RTN4IP1: variants seen among roughly 807,000 people sequenced by gnomAD.
RTN4IP1 encodes the protein reticulon 4 interacting protein 1.
In RTN4IP1, 32 loss-of-function variants were observed where a neutral mutation model predicts 46.6. That is an observed-to-expected ratio of 0.69 (90% CI 0.52 to 0.92). The LOEUF (loss-of-function observed/expected upper bound fraction) is 0.92, where lower values mean the gene tolerates loss of function less well. Among genes scored for constraint, RTN4IP1 ranks in the 40% least tolerant of loss-of-function variants. The pLI, the probability that RTN4IP1 is intolerant of heterozygous loss-of-function variation, is 0.00. For missense variants in RTN4IP1, 424 were observed against 485.8 expected, an observed-to-expected ratio of 0.87 and a Z score of 1.20; for synonymous variants, 167 against 161.8, an observed-to-expected ratio of 1.03 and a Z score of -0.24.
chr6:106,598,273 T>C (rs1011060663), intron 5 of RTN4IP1, among the ~76,000 whole-genome samples: 2 of 152,216 alleles, frequency 1.3e-5, no homozygotes, highest in African/African-American at 4.8e-5. Context: ...ATCGCCACAC[T>C]GACTTCCACG....
chr6:106,589,135 A>AGAAGAG (rs1428278259), intron 6 of RTN4IP1, among the ~76,000 whole-genome samples: 36 of 111,498 alleles, frequency 3.2e-4, no homozygotes, highest in Middle Eastern at 3.8e-3. Context: ...AGGAAGAAGA[A>AGAAGAG]GAAGAGGAAG....
At chr6:106,619,136 T>A (rs1188188692) in intron 4 of RTN4IP1, 66 bp downstream of exon 4, 59 of 1,564,384 alleles carry the variant, frequency 3.8e-5, no homozygotes, top group Non-Finnish European at 8.7e-7. Context: ...CTGACAAATC[T>A]ACTGCAAGGA....
chr6:106,589,098 G>A lies in RTN4IP1; in HGVS notation c.807-1236C>T, dbSNP rs183843078. Among the ~76,000 whole-genome samples, 894 of 131,360 alleles carry A rather than the reference G, an allele frequency of 6.8e-3. 5 individuals are homozygous for A. The highest frequency in any genetic ancestry group is 0.02 in the Middle Eastern group (5 of 246). 86.2% of individuals were successfully genotyped at this position (131,360 alleles called of 152,430 possible). On this transcript the variant is annotated intron_variant, in intron 6 of 8. Coordinates refer to ENST00000369063, the MANE Select transcript of RTN4IP1 (RefSeq NM_032730.5). ...GCACTCCAGCCTGGGCAACAAGAGC[G>A]AAACTCAGAAGAAGAAGAGGAAGAA...
intron 5 of RTN4IP1, among the ~76,000 whole-genome samples, chr6:106,596,150 A>G (rs1386432745): frequency 1.3e-5 from 2 of 152,182 alleles, no homozygotes; most frequent in Non-Finnish European, 2.9e-5. Context: ...GCTATTTAAT[A>G]TACTCCAGGT....
At position 106,628,749 on chromosome 6, in the gene RTN4IP1, TCTC is replaced by T; in HGVS notation, c.270_272del (p.Met90_Arg91delinsIle). 6.3e-7 allele frequency: 1 copy of T among 1,598,950 alleles called. No homozygotes were observed. Among genetic ancestry groups the T allele is most frequent in the Non-Finnish European group, 8.6e-7 (1 of 1,168,828 alleles). Reference sequence around the variant, plus strand: ...TAACAATGTCTTTTGAAAACTTACTTCTCATATTAACGTCTATAGGATTTACAC... The same window carrying T: ...TAACAATGTCTTTTGAAAACTTACTTATATTAACGTCTATAGGATTTACAC... On this transcript the variant is annotated inframe_deletion and splice_region_variant, in exon 1 of 9. Coordinates refer to ENST00000369063, the MANE Select transcript of RTN4IP1 (RefSeq NM_032730.5).
intron 4 of RTN4IP1, among the ~76,000 whole-genome samples, chr6:106,605,399 C>T (rs962509043): frequency 2.0e-5 from 3 of 150,200 alleles, no homozygotes; most frequent in African/African-American, 7.4e-5. Context: ...GCACTCCAGC[C>T]TGGCAACAGA....
At chr6:106,591,299 G>A (rs1195548044) in intron 6 of RTN4IP1, among the ~76,000 whole-genome samples, 1 of 152,158 alleles carries the variant, frequency 6.6e-6, no homozygotes, top group Middle Eastern at 3.2e-3. Flanking sequence ...AAGAGTAGAA[G>A]CTCCCTGAAC....
intron 4 of RTN4IP1, among the ~76,000 whole-genome samples, chr6:106,618,772 G>A (rs899381919): frequency 2.6e-5 from 4 of 152,104 alleles, no homozygotes; most frequent in Non-Finnish European, 5.9e-5. Context: ...ATAGAAATAT[G>A]CAAGTGTGAG....
At chr6:106,582,248 T>C (rs1215757423) in intron 8 of RTN4IP1, among the ~76,000 whole-genome samples, 2 of 152,194 alleles carry the variant, frequency 1.3e-5, no homozygotes, top group Admixed American at 1.3e-4. Flanking sequence ...AGATGAAATA[T>C]GCCAGCAAGG....
intron 4 of RTN4IP1, among the ~76,000 whole-genome samples, chr6:106,611,519 T>C (rs1350770373): frequency 6.6e-6 from 1 of 152,218 alleles, no homozygotes; most frequent in African/African-American, 2.4e-5. Context: ...TGAAAATGTA[T>C]CTCATCTTTC....
intron 5 of RTN4IP1, among the ~76,000 whole-genome samples, chr6:106,593,960 T>C (rs1775722447): frequency 6.6e-6 from 1 of 152,158 alleles, no homozygotes. Context: ...AAGAAACTAT[T>C]GAGGAAAAAG....
At chr6:106,592,793 C>A (rs1262687425) in intron 5 of RTN4IP1, among the ~76,000 whole-genome samples, 5 of 151,976 alleles carry the variant, frequency 3.3e-5, no homozygotes, top group African/African-American at 1.2e-4. Flanking sequence ...GACATGGTAG[C>A]GGGCGGGCAC....
rs567412126 is a variant in RTN4IP1, at chr6:106,604,113, C to G, written c.621-1191G>C. Among the ~76,000 whole-genome samples, 6 of 152,286 alleles carry G rather than the reference C, an allele frequency of 3.9e-5. No individual in the cohort carries two copies. The South Asian group carries it at 1.2e-3, about 32-fold the overall frequency. ...GTGCAGGGAATTTTGCCACCTATCT[C>G]TAGTAAGTACACCAAATCTTGGAAC... On this transcript the variant is annotated intron_variant, in intron 4 of 8. Transcript: ENST00000369063.
intron 5 of RTN4IP1, among the ~76,000 whole-genome samples, chr6:106,600,570 C>G (rs1775918726): frequency 6.6e-6 from 1 of 151,950 alleles, no homozygotes; most frequent in Non-Finnish European, 1.5e-5. Flanking sequence ...AGTCATTCCC[C>G]ACTCCCTTCT....
intron 6 of RTN4IP1, 112 bp downstream of exon 6, chr6:106,592,052 T>C (rs1775674591): frequency 1.8e-6 from 2 of 1,138,148 alleles, no homozygotes; most frequent in East Asian, 2.4e-5. Context: ...AATGTTTTCA[T>C]AGATCCTTCT....
At chr6:106,607,227 C>T (rs2114661987) in intron 4 of RTN4IP1, among the ~76,000 whole-genome samples, 1 of 152,092 alleles carries the variant, frequency 6.6e-6, no homozygotes, top group Admixed American at 6.6e-5. Context: ...AGATGCCCAT[C>T]TCTCACCATA....
At chr6:106,613,341 T>C (rs9386575) in intron 4 of RTN4IP1, among the ~76,000 whole-genome samples, 152,238 of 152,312 alleles carry the variant, frequency 1, 76,083 homozygotes, top group East Asian at 1. Context: ...CATGACATTT[T>C]CTTAAAGCTG....
intron 6 of RTN4IP1, among the ~76,000 whole-genome samples, chr6:106,588,200 G>A (rs549517411): frequency 1.3e-5 from 2 of 152,152 alleles, no homozygotes; most frequent in Non-Finnish European, 2.9e-5. Flanking sequence ...CCCCTCACAA[G>A]CTAAAAAATT....
chr6:106,579,092 C>T lies in RTN4IP1; in HGVS notation c.1083+4236G>A, dbSNP rs202003238. 1.6e-4 allele frequency among the ~76,000 whole-genome samples: 25 copies of T among 151,566 alleles called. No homozygotes were observed. In the East Asian group the frequency reaches 3.9e-3, roughly 24 times the overall value. ...TCTACTAAAAATGCAAAAAATTAGCCGGGCGTGGTGGCAGGCGCCTGTAGT... is the reference window on the plus strand; with the variant it reads ...TCTACTAAAAATGCAAAAAATTAGCTGGGCGTGGTGGCAGGCGCCTGTAGT... On this transcript the variant is annotated intron_variant, in intron 8 of 8. Coordinates refer to ENST00000369063, the MANE Select transcript of RTN4IP1 (RefSeq NM_032730.5).
Sources: gnomAD v4.1 joint callset for allele counts (sites outside exome capture counted in the v4.1 genomes callset) on GRCh38, gnomAD v4.1.1 for gene constraint, MANE v1.5 for transcripts, NCBI Gene and HGNC (gene_info 2026-07-23, HGNC 2026-07-21) for gene names.